PDE6C: variants seen among roughly 807,000 people sequenced by gnomAD.
The protein encoded by PDE6C is cone cGMP-specific 3',5'-cyclic phosphodiesterase subunit alpha'.
PDE6C carries 75 observed loss-of-function variants against 113.1 expected under a neutral mutation model. That is an observed-to-expected ratio of 0.66 (90% CI 0.55 to 0.80). PDE6C has a LOEUF of 0.80. Among genes scored for constraint, PDE6C ranks in the 30% least tolerant of loss-of-function variants. The probability of loss-of-function intolerance (pLI) is 0.00; values close to 1 mark genes in which losing one functional copy is unlikely to be tolerated. For missense variants in PDE6C, 912 were observed against 1,038.6 expected, an observed-to-expected ratio of 0.88 and a Z score of 1.67; for synonymous variants, 375 against 363.7, an observed-to-expected ratio of 1.03 and a Z score of -0.35.
intron 1 of PDE6C, 47 bp from the exon 2 acceptor site, chr10:93,620,585 T>C (rs1318380697): frequency 1.3e-6 from 2 of 1,593,154 alleles, no homozygotes; most frequent in African/African-American, 2.7e-5. Flanking sequence ...GATCTACCAC[T>C]CTATGATTTT....
At chr10:93,643,930 C>T (rs1158733175) in intron 14 of PDE6C, among the ~76,000 whole-genome samples, 1 of 152,058 alleles carries the variant, frequency 6.6e-6, no homozygotes, top group Non-Finnish European at 1.5e-5. Flanking sequence ...CCTTCTAATT[C>T]AAGATCTAAT....
At chr10:93,629,803 G>A (rs996534584) in intron 8 of PDE6C, among the ~76,000 whole-genome samples, 4 of 152,134 alleles carry the variant, frequency 2.6e-5, no homozygotes, top group Non-Finnish European at 5.9e-5. Context: ...GAGCTCAGAC[G>A]GTAATGTGAG....
chr10:93,613,671 T>A (rs2058404517), intron 1 of PDE6C, among the ~76,000 whole-genome samples: 1 of 152,322 alleles, frequency 6.6e-6, no homozygotes, highest in East Asian at 1.9e-4. Context: ...CATTCAGGTT[T>A]TTTGGATGGA....
chr10:93,627,142 A>C (rs967844759), intron 7 of PDE6C, among the ~76,000 whole-genome samples: 4 of 151,124 alleles, frequency 2.6e-5, no homozygotes, highest in African/African-American at 9.7e-5. Flanking sequence ...CATGCCTGTA[A>C]TGCCAGCTAC....
At position 93,629,300 on chromosome 10, in the gene PDE6C, T is replaced by C. The variant is rs756890941; in HGVS notation, c.1114T>C (p.Phe372Leu). 6.2e-7 allele frequency: 1 copy of C among 1,609,754 alleles called. No homozygotes were observed. Among genetic ancestry groups the C allele is most frequent in the Admixed American group, 1.7e-5 (1 of 60,018 alleles). ...TGCCCCTGCGGATGAATACTTCACA[T>C]TTCAGGTAACTGCACTCTGGGTCAG... ...MNAPADEYFTFQKGPVDETGW... is the reference protein window; with the variant it reads ...MNAPADEYFTLQKGPVDETGW... Residue 372 changes from phenylalanine (F) to leucine (L), a missense_variant, in exon 8 of 22, where the codon TTT becomes CTT. Transcript: ENST00000371447.
chr10:93,635,679 C>T lies in PDE6C; in HGVS notation c.1413+39C>T, dbSNP rs539964962. On this transcript the variant is annotated intron_variant, in intron 10 of 21. Transcript: ENST00000371447. The stretch of plus-strand genomic sequence containing the variant: ...TCAGTCCTGTGGACATAAGATGTTA[C>T]CTAACCACATATTCTAGAAGTCATC... 7 of 1,600,046 alleles carry T rather than the reference C, an allele frequency of 4.4e-6. No homozygotes were observed. The South Asian group carries it at 6.6e-5, about 15-fold the overall frequency.
Position 93,631,147 on chromosome 10 carries a change from G to A in PDE6C, c.1119+1842G>A, listed in dbSNP as rs923262213. Among the ~76,000 whole-genome samples, 4 of 152,344 alleles carry A rather than the reference G, an allele frequency of 2.6e-5. 1 individual carries two copies. Among genetic ancestry groups the A allele is most frequent in the Admixed American group, 2.6e-4 (4 of 15,300 alleles). On this transcript the variant is annotated intron_variant, in intron 8 of 21. Coordinates refer to ENST00000371447, the MANE Select transcript of PDE6C (RefSeq NM_006204.4). The stretch of plus-strand genomic sequence containing the variant: ...GCTCTCATGGCCTGGGCAGAGAGGA[G>A]GCCTGGGGCCTCCCCGGGGCCTTGG...
chr10:93,650,656 T>C (rs1004562016), intron 15 of PDE6C, among the ~76,000 whole-genome samples: 3 of 152,248 alleles, frequency 2.0e-5, no homozygotes, highest in African/African-American at 7.2e-5. Flanking sequence ...ATGGAAAGAA[T>C]TGCAGAACTT....
chr10:93,631,493 G>GT (rs2058501394), intron 8 of PDE6C, among the ~76,000 whole-genome samples: 1 of 152,216 alleles, frequency 6.6e-6, no homozygotes, highest in African/African-American at 2.4e-5. Flanking sequence ...CAGCACGGTG[G>GT]TCTAAGGGGC....
intron 15 of PDE6C, among the ~76,000 whole-genome samples, chr10:93,650,001 A>C (rs1345221415): frequency 6.6e-6 from 1 of 152,156 alleles, no homozygotes; most frequent in Non-Finnish European, 1.5e-5. Flanking sequence ...CACTTCTATC[A>C]TCCAAGTAAT....
At chr10:93,640,708 A>T in intron 13 of PDE6C, 151 bp downstream of exon 13, 1 of 741,562 alleles carries the variant, frequency 1.3e-6, no homozygotes. Context: ...AGTATCCTTG[A>T]GCACCGGTGG....
Position 93,626,994 on chromosome 10 carries a change from G to A in PDE6C, c.1071+123G>A. 4 of 840,828 alleles carry A rather than the reference G, an allele frequency of 4.8e-6. No individual in the cohort carries two copies. The South Asian group carries it at 5.9e-5, about 12-fold the overall frequency. The allele number at this position is 840,828 out of a possible 1,614,324, so 52.1% of individuals were successfully genotyped here. A position where few individuals can be genotyped will look rare whatever the true frequency, so the allele number is the denominator to read the frequency against. ...AAAAGCTAGATGGGCCGGGCGCGGT[G>A]GCTCATGCCTGTAATCCCAGCACTT... On this transcript the variant is annotated intron_variant, in intron 7 of 21. Transcript: ENST00000371447.
chr10:93,653,134 C>T (rs2058617009), intron 15 of PDE6C, among the ~76,000 whole-genome samples: 1 of 152,142 alleles, frequency 6.6e-6, no homozygotes, highest in African/African-American at 2.4e-5. Flanking sequence ...CAGTGATTCC[C>T]TGATGTCAGT....
chr10:93,630,792 T>C (rs1298746908), intron 8 of PDE6C, among the ~76,000 whole-genome samples: 2 of 152,192 alleles, frequency 1.3e-5, no homozygotes, highest in African/African-American at 4.8e-5. Flanking sequence ...ACTTGCTTCG[T>C]TACGTGCATC....
At chr10:93,663,418 G>C (rs868719236) in intron 21 of PDE6C, among the ~76,000 whole-genome samples, 16 of 152,140 alleles carry the variant, frequency 1.1e-4, no homozygotes, top group African/African-American at 3.6e-4. Context: ...GTTGGAGCTA[G>C]GCTTCTTCAT....
chr10:93,613,309 C>T (rs1373502783), intron 1 of PDE6C, 104 bp downstream of exon 1: 7 of 1,494,946 alleles, frequency 4.7e-6, no homozygotes, highest in African/African-American at 1.4e-5. Flanking sequence ...TTGGCAATAA[C>T]CGGGGGAATG....
At chr10:93,650,641 T>C (rs1037847505) in intron 15 of PDE6C, among the ~76,000 whole-genome samples, 5 of 152,222 alleles carry the variant, frequency 3.3e-5, no homozygotes, top group Non-Finnish European at 7.3e-5. Flanking sequence ...AGAAATGTTT[T>C]TGAAATGGAA....
In PDE6C at chr10:93,665,773, T is replaced by A. The variant is rs2058687183; in HGVS notation, c.*355T>A. 1 of 286,978 alleles carries A rather than the reference T, an allele frequency of 3.5e-6. No homozygotes were observed. The highest frequency in any genetic ancestry group is 6.7e-6 in the Non-Finnish European group (1 of 149,254). 17.8% of individuals were successfully genotyped at this position (286,978 alleles called of 1,614,324 possible). A position where few individuals can be genotyped will look rare whatever the true frequency, so the allele number is the denominator to read the frequency against. ...GGGTGCTTAACCAATAGAAATGTAT[T>A]TTCTCAAAGTCCTGGGGGCTGGAAG... is the stretch of plus-strand genomic sequence containing the variant. On this transcript the variant is annotated 3_prime_UTR_variant, in exon 22 of 22. Coordinates refer to ENST00000371447, the MANE Select transcript of PDE6C (RefSeq NM_006204.4).
chr10:93,640,539 C>T lies in PDE6C; in HGVS notation c.1719C>T (p.Thr573=), dbSNP rs372618860. Residue 573 remains threonine (T), a synonymous_variant, in exon 13 of 22, where the codon ACC becomes ACT. Transcript: ENST00000371447. ...NWRHGFNVGQ[T]MFTLLMTGRL... is the part of the protein sequence containing the mutation. The stretch of plus-strand genomic sequence containing the variant: ...GGCATGGGTTCAACGTGGGGCAGAC[C>T]ATGTTTACTTTGCTGATGGTAGGTA... The T allele has an allele frequency of 6.2e-7, 1 of 1,612,018 alleles. No homozygotes were observed. The highest frequency in any genetic ancestry group is 8.5e-7 in the Non-Finnish European group (1 of 1,178,266).
Sources: gnomAD v4.1 joint callset for allele counts (sites outside exome capture counted in the v4.1 genomes callset) on GRCh38, gnomAD v4.1.1 for gene constraint, MANE v1.5 for transcripts, NCBI Gene and HGNC (gene_info 2026-07-23, HGNC 2026-07-21) for gene names.